SPAG16: variants seen among roughly 807,000 people sequenced by gnomAD.
SPAG16 encodes sperm-associated antigen 16 protein.
Under a neutral mutation model 80.4 loss-of-function variants are expected in SPAG16, and 86 were observed. The ratio of observed to expected loss-of-function variants is 1.07; its 90% CI spans 0.90 to 1.28. The LOEUF (loss-of-function observed/expected upper bound fraction) is 1.28, where lower values mean the gene tolerates loss of function less well. SPAG16 is among the 50% of genes most tolerant of loss of function. SPAG16 has a pLI of 0.00. For missense variants in SPAG16, 870 were observed against 765.3 expected (o/e 1.14, Z -1.61); for synonymous variants, 294 against 265.9 (o/e 1.11, Z -1.03).
chr2:213,469,570 GTT>G (rs34005287), intron 9 of SPAG16, among the ~76,000 whole-genome samples: 1,292 of 79,228 alleles, frequency 0.016, 39 homozygotes, highest in African/African-American at 0.052. Flanking sequence ...ACCTCAGCAG[GTT>G]TTTTTTTTTT....
intron 12 of SPAG16, among the ~76,000 whole-genome samples, chr2:213,940,695 T>C (rs1307011770): frequency 6.6e-6 from 1 of 152,196 alleles, no homozygotes; most frequent in African/African-American, 2.4e-5. Flanking sequence ...CATATGTCTA[T>C]GCAAAACTAT....
intron 9 of SPAG16, among the ~76,000 whole-genome samples, chr2:213,455,610 T>G (rs966392023): frequency 6.6e-6 from 1 of 152,168 alleles, no homozygotes; most frequent in South Asian, 2.1e-4. Flanking sequence ...GGGGTTTAGT[T>G]TGGGGCCAAA....
At chr2:213,332,171 G>T (rs1390721503) in intron 5 of SPAG16, among the ~76,000 whole-genome samples, 3 of 151,994 alleles carry the variant, frequency 2.0e-5, no homozygotes, top group East Asian at 1.9e-4. Context: ...AAAAGGAAAA[G>T]ACCCAAATAA....
intron 5 of SPAG16, among the ~76,000 whole-genome samples, chr2:213,321,889 G>A (rs756295490): frequency 4.0e-4 from 61 of 151,978 alleles, no homozygotes; most frequent in Non-Finnish European, 4.1e-4. Flanking sequence ...TCTCAGAAAA[G>A]GAGAGCATAC....
intron 8 of SPAG16, chr2:213,365,236 A>G (rs779959123): frequency 6.6e-6 from 1 of 152,214 alleles, no homozygotes; most frequent in Non-Finnish European, 1.5e-5. Context: ...AATGTGACCC[A>G]TAATCAAGAC....
rs895337362 is a variant in SPAG16 at position 214,400,140 on chromosome 2, C to T, written c.1721-10000C>T. 2.6e-5 allele frequency among the ~76,000 whole-genome samples: 4 copies of T among 152,040 alleles called. No homozygotes were observed. In the East Asian group the frequency reaches 7.7e-4, roughly 29 times the overall value. On this transcript the variant is annotated intron_variant, in intron 15 of 15. Coordinates refer to ENST00000331683, the MANE Select transcript of SPAG16 (RefSeq NM_024532.5). The stretch of plus-strand genomic sequence containing the variant: ...CTGGTTCAAGATCATCATTCATGCT[C>T]TCCTAATAGGGGGGAAATATTTTTA...
chr2:214,143,827 A>G (rs953755863), intron 14 of SPAG16, among the ~76,000 whole-genome samples: 4 of 152,058 alleles, frequency 2.6e-5, no homozygotes, highest in African/African-American at 4.8e-5. Context: ...GTACCTTCCC[A>G]TTCTCAGTTT....
intron 15 of SPAG16, among the ~76,000 whole-genome samples, chr2:214,168,718 A>G (rs2056761169): frequency 1.3e-5 from 2 of 152,154 alleles, no homozygotes; most frequent in Admixed American, 1.3e-4. Flanking sequence ...TTAGTTAAAA[A>G]AATGTTGCAG....
intron 15 of SPAG16, chr2:214,238,870 T>C (rs1027069082): frequency 6.6e-6 from 1 of 152,142 alleles, no homozygotes; most frequent in African/African-American, 2.4e-5. Context: ...GTGATATGTA[T>C]TATTTGAAAA....
rs116239765 is a variant in SPAG16 at position 214,308,769 on chromosome 2, G to A, written c.1721-101371G>A. ...GCTGAGATGTCCATTATTAGTCAGG[G>A]GCTTCTCTTTGTAGGTGATGTGGAC... On this transcript the variant is annotated intron_variant, in intron 15 of 15. Transcript: ENST00000331683. Among the ~76,000 whole-genome samples, 687 of 151,872 alleles carry A rather than the reference G, an allele frequency of 4.5e-3. 4 individuals carry two copies. Among genetic ancestry groups the A allele is most frequent in the African/African-American group, 0.016 (652 of 41,408 alleles).
chr2:214,077,279 A>T (rs2051127828), intron 13 of SPAG16, among the ~76,000 whole-genome samples: 1 of 152,136 alleles, frequency 6.6e-6, no homozygotes, highest in South Asian at 2.1e-4. Context: ...TCCCGAGAGG[A>T]TGTCCCTCAC....
intron 9 of SPAG16, among the ~76,000 whole-genome samples, chr2:213,404,840 A>T (rs2068524894): frequency 6.7e-6 from 1 of 149,138 alleles, no homozygotes; most frequent in Admixed American, 6.6e-5. Context: ...TTGATTCTTT[A>T]AAATTTTTTT....
intron 9 of SPAG16, among the ~76,000 whole-genome samples, chr2:213,437,680 T>A (rs1425369824): frequency 2.0e-5 from 3 of 152,144 alleles, no homozygotes; most frequent in Non-Finnish European, 4.4e-5. Context: ...CATTCCTCAA[T>A]ATTATACTTT....
chr2:214,275,455 C>A (rs1559174060), intron 15 of SPAG16, among the ~76,000 whole-genome samples: 2 of 152,220 alleles, frequency 1.3e-5, no homozygotes, highest in African/African-American at 2.4e-5. Flanking sequence ...CCTCTACACA[C>A]TGCTTTAAAT....
intron 15 of SPAG16, among the ~76,000 whole-genome samples, chr2:214,296,200 A>G (rs1694120133): frequency 6.6e-6 from 1 of 152,190 alleles, no homozygotes; most frequent in Non-Finnish European, 1.5e-5. Context: ...ATGGCCCCCA[A>G]CTTTACTCAT....
At chr2:214,142,430 A>C (rs1418813573) in intron 14 of SPAG16, among the ~76,000 whole-genome samples, 1 of 152,136 alleles carries the variant, frequency 6.6e-6, no homozygotes, top group Non-Finnish European at 1.5e-5. Context: ...ATCTCCTTGC[A>C]TGTTATGGAA....
chr2:213,360,298 G>A (rs2065903153), intron 7 of SPAG16, among the ~76,000 whole-genome samples: 1 of 152,166 alleles, frequency 6.6e-6, no homozygotes, highest in Non-Finnish European at 1.5e-5. Flanking sequence ...ATCCAAAATG[G>A]GTACACAGGA....
intron 9 of SPAG16, among the ~76,000 whole-genome samples, chr2:213,426,836 TACACACACACACACACACACACAC>T (rs199604984): frequency 7.9e-6 from 1 of 125,828 alleles, no homozygotes; most frequent in Admixed American, 7.7e-5. Flanking sequence ...TTCTGATACA[TACACACACACACACACACACACAC>T]ACACACACAC....
intron 10 of SPAG16, among the ~76,000 whole-genome samples, chr2:213,651,280 G>A (rs574363685): frequency 1.3e-5 from 2 of 152,234 alleles, no homozygotes; most frequent in South Asian, 4.1e-4. Flanking sequence ...CTCTAGGGCA[G>A]GATCAGTCAG....
Sources: allele counts gnomAD v4.1 joint callset (sites outside exome capture counted in the v4.1 genomes callset), GRCh38; gene constraint gnomAD v4.1.1; transcripts MANE v1.5; gene names NCBI Gene and HGNC (gene_info 2026-07-23, HGNC 2026-07-21).